CNTNAP2: variants seen among roughly 807,000 people sequenced by gnomAD.
The protein encoded by CNTNAP2 is contactin-associated protein-like 2.
Under a neutral mutation model 155.2 loss-of-function variants are expected in CNTNAP2, and 98 were observed. The ratio of observed to expected loss-of-function variants is 0.63; its 90% CI spans 0.54 to 0.75. The LOEUF is 0.75. CNTNAP2 is among the 30% of genes least tolerant of loss of function. The pLI, the probability that CNTNAP2 is intolerant of heterozygous loss-of-function variation, is 0.00. For missense variants in CNTNAP2, 1,727 were observed against 1,688.1 expected (o/e 1.02, Z -0.40); for synonymous variants, 651 against 631.2 (o/e 1.03, Z -0.47).
intron 1 of CNTNAP2, among the ~76,000 whole-genome samples, chr7:146,125,880 A>G (rs1016159833): frequency 5.9e-5 from 9 of 152,180 alleles, no homozygotes; most frequent in Non-Finnish European, 8.8e-5. Flanking sequence ...GCATCAATCA[A>G]TGAGTGTCCT....
At chr7:146,796,306 C>T (rs1156641477) in intron 2 of CNTNAP2, among the ~76,000 whole-genome samples, 1 of 152,132 alleles carries the variant, frequency 6.6e-6, no homozygotes, top group Admixed American at 6.5e-5. Context: ...GATTATAGGG[C>T]AGCTAAGCAA....
At chr7:147,287,539 C>T (rs1049179075) in intron 8 of CNTNAP2, among the ~76,000 whole-genome samples, 3 of 152,056 alleles carry the variant, frequency 2.0e-5, no homozygotes, top group East Asian at 1.9e-4. Flanking sequence ...ATTTAGAGTA[C>T]TCCAAGGTTC....
chr7:146,492,679 C>T (rs1251600307), intron 1 of CNTNAP2, among the ~76,000 whole-genome samples: 2 of 152,140 alleles, frequency 1.3e-5, no homozygotes, highest in African/African-American at 2.4e-5. Context: ...TTTGGTTTCT[C>T]AGTTGCTTTA....
chr7:147,187,200 GGA>G (rs1291981033), intron 8 of CNTNAP2, among the ~76,000 whole-genome samples: 1 of 152,110 alleles, frequency 6.6e-6, no homozygotes, highest in Non-Finnish European at 1.5e-5. Context: ...TGGTGGAGAT[GGA>G]GAGAGAGTGC....
intron 2 of CNTNAP2, among the ~76,000 whole-genome samples, chr7:146,838,509 G>A (rs1385418353): frequency 2.0e-5 from 3 of 152,026 alleles, no homozygotes; most frequent in Admixed American, 1.3e-4. Context: ...GAGGAAATGG[G>A]GTTTCAGCAT....
chr7:146,773,915 C>T (rs898500869), intron 1 of CNTNAP2, among the ~76,000 whole-genome samples: 5 of 152,104 alleles, frequency 3.3e-5, no homozygotes, highest in East Asian at 1.9e-4. Flanking sequence ...AATTCTAGTT[C>T]CCTGTTCCTA....
intron 13 of CNTNAP2, among the ~76,000 whole-genome samples, chr7:147,737,618 G>A (rs1796876850): frequency 6.6e-6 from 1 of 152,218 alleles, no homozygotes; most frequent in South Asian, 2.1e-4. Flanking sequence ...CCCCAGAGGT[G>A]GAGTCTACAG....
At chr7:146,554,118 A>C (rs551758032) in intron 1 of CNTNAP2, among the ~76,000 whole-genome samples, 5 of 152,292 alleles carry the variant, frequency 3.3e-5, no homozygotes, top group Admixed American at 2.0e-4. Context: ...ACTAACGTTG[A>C]ATCTAAGGCC....
At chr7:148,126,904 G>T (rs2116622662) in intron 16 of CNTNAP2, among the ~76,000 whole-genome samples, 1 of 152,306 alleles carries the variant, frequency 6.6e-6, no homozygotes, top group Non-Finnish European at 1.5e-5. Flanking sequence ...AGGGTTGTAA[G>T]TTAGGGTCCC....
chr7:146,479,511 T>C (rs1189248488), intron 1 of CNTNAP2, among the ~76,000 whole-genome samples: 1 of 152,122 alleles, frequency 6.6e-6, no homozygotes, highest in Admixed American at 6.5e-5. Flanking sequence ...AAAAATGATG[T>C]ATTTACATAA....
intron 1 of CNTNAP2, among the ~76,000 whole-genome samples, chr7:146,345,710 C>CA (rs1584880463): frequency 6.6e-6 from 1 of 152,032 alleles, no homozygotes; most frequent in African/African-American, 2.4e-5. Context: ...CAGAATGTTA[C>CA]AAAAAATGTC....
intron 11 of CNTNAP2, among the ~76,000 whole-genome samples, chr7:147,557,683 G>A (rs778041365): frequency 7.2e-5 from 11 of 152,076 alleles, no homozygotes; most frequent in Non-Finnish European, 1.3e-4. Flanking sequence ...GGTAAATACT[G>A]TCATTAGCTC....
intron 1 of CNTNAP2, among the ~76,000 whole-genome samples, chr7:146,160,519 G>A (rs1166263647): frequency 2.0e-5 from 3 of 152,044 alleles, no homozygotes; most frequent in South Asian, 2.1e-4. Flanking sequence ...ATGATAATGG[G>A]GATATCATTG....
chr7:147,441,049 C>T (rs775166831), intron 10 of CNTNAP2, among the ~76,000 whole-genome samples: 7 of 152,130 alleles, frequency 4.6e-5, no homozygotes, highest in South Asian at 2.1e-4. Context: ...TTTGAATAAA[C>T]CCTCTACCCC....
intron 12 of CNTNAP2, among the ~76,000 whole-genome samples, chr7:147,569,742 A>T (rs543460563): frequency 6.6e-6 from 1 of 152,190 alleles, no homozygotes; most frequent in Non-Finnish European, 1.5e-5. Context: ...TAAGTGACAC[A>T]TGACTGTACT....
intron 8 of CNTNAP2, among the ~76,000 whole-genome samples, chr7:147,149,641 GGATA>G (rs1801784834): frequency 2.0e-5 from 3 of 152,194 alleles, no homozygotes; most frequent in Admixed American, 1.3e-4. Flanking sequence ...TGTGGATAGT[GGATA>G]GATAGATGGA....
chr7:147,254,331 A>G (rs1210134303), intron 8 of CNTNAP2, among the ~76,000 whole-genome samples: 1 of 152,212 alleles, frequency 6.6e-6, no homozygotes, highest in Non-Finnish European at 1.5e-5. Context: ...CATCAGAATG[A>G]CAAAAACACA....
intron 3 of CNTNAP2, among the ~76,000 whole-genome samples, chr7:146,959,661 A>T (rs1797514179): frequency 6.7e-6 from 1 of 149,648 alleles, no homozygotes; most frequent in Non-Finnish European, 1.5e-5. Flanking sequence ...TAGTGGTTGC[A>T]GTGAGCTGAG....
At chr7:146,516,299 T>TTATCTA (rs1797540679) in intron 1 of CNTNAP2, among the ~76,000 whole-genome samples, 1 of 151,988 alleles carries the variant, frequency 6.6e-6, no homozygotes, top group Admixed American at 6.6e-5. Flanking sequence ...AAAGAGAAAT[T>TTATCTA]TATCTATGTT....
Sources: allele counts gnomAD v4.1 joint callset (sites outside exome capture counted in the v4.1 genomes callset), GRCh38; gene constraint gnomAD v4.1.1; transcripts MANE v1.5; gene names NCBI Gene and HGNC (gene_info 2026-07-23, HGNC 2026-07-21).